EDARADD: variants seen among roughly 807,000 people sequenced by gnomAD.
EDARADD encodes ectodysplasin-A receptor-associated adapter protein.
Under a neutral mutation model 25.6 loss-of-function variants are expected in EDARADD, and 20 were observed. The observed-to-expected ratio is 0.78, with a 90% CI of 0.55 to 1.14. The LOEUF (loss-of-function observed/expected upper bound fraction) is 1.14, where lower values mean the gene tolerates loss of function less well. EDARADD is among the 50% of genes most tolerant of loss of function. EDARADD has a pLI of 0.00. For missense variants in EDARADD, 225 were observed against 270.1 expected (o/e 0.83, Z 1.17); for synonymous variants, 86 against 94.4 (o/e 0.91, Z 0.52).
In EDARADD at chr1:236,403,380, C is replaced by T. The variant is rs866786865; in HGVS notation, c.62-5836C>T. On this transcript the variant is annotated intron_variant, in intron 1 of 5. Coordinates refer to ENST00000334232, the MANE Select transcript of EDARADD (RefSeq NM_145861.4). Reference sequence around the variant, plus strand: ...TCGACTCACTGCAACCTCCGCCTTCCGGGCTCACACCATTCTCCTGCCTCA... The same window carrying T: ...TCGACTCACTGCAACCTCCGCCTTCTGGGCTCACACCATTCTCCTGCCTCA... Among the ~76,000 whole-genome samples the T allele has an allele frequency of 3.9e-5, 6 of 152,138 alleles. No homozygotes were observed. In the East Asian group the frequency reaches 5.8e-4, roughly 15 times the overall value.
intron 3 of EDARADD, among the ~76,000 whole-genome samples, chr1:236,352,499 G>A (rs1461427568): frequency 6.6e-6 from 1 of 152,176 alleles, no homozygotes; most frequent in African/African-American, 2.4e-5. Context: ...GAAGCCAAGA[G>A]TTCAAGATCA....
At chr1:236,442,052 T>A (rs183249780) in intron 4 of EDARADD, among the ~76,000 whole-genome samples, 1 of 152,038 alleles carries the variant, frequency 6.6e-6, no homozygotes, top group African/African-American at 2.4e-5. Flanking sequence ...AAGGTAGCTA[T>A]ACTAAACAAC....
chr1:236,406,062 CCA>C (rs1667734083), intron 1 of EDARADD, among the ~76,000 whole-genome samples: 1 of 151,422 alleles, frequency 6.6e-6, no homozygotes, highest in African/African-American at 2.4e-5. Flanking sequence ...ACCCCTGGCT[CCA>C]CACTCCAAAC....
chr1:236,441,659 G>C (rs1658406903), intron 4 of EDARADD, among the ~76,000 whole-genome samples: 1 of 151,486 alleles, frequency 6.6e-6, no homozygotes, highest in South Asian at 2.1e-4. Flanking sequence ...GAGCAGCTAG[G>C]ATTACAGGCA....
At chr1:236,374,503 G>C (rs73121269) in intron 3 of EDARADD, among the ~76,000 whole-genome samples, 1 of 152,040 alleles carries the variant, frequency 6.6e-6, no homozygotes, top group African/African-American at 2.4e-5. Context: ...TCCTGGGCTC[G>C]AGCTATTTCC....
chr1:236,390,470 G>A (rs1001692690), upstream of EDARADD, among the ~76,000 whole-genome samples: 8 of 152,064 alleles, frequency 5.3e-5, no homozygotes, highest in East Asian at 1.9e-4. Flanking sequence ...GGAGAATGGC[G>A]TGAACCTGGT....
Position 236,351,325 on chromosome 1 carries a change from A to G in EDARADD, c.-6+486A>G, listed in dbSNP as rs184596788. Among the ~76,000 whole-genome samples the G allele has an allele frequency of 2.5e-3, 381 of 152,194 alleles. 2 individuals carry two copies. The highest frequency in any genetic ancestry group is 2.8e-3 in the Non-Finnish European group (189 of 68,006). ...TTAAAGCAGAGGGGGCTTCCTTATC[A>G]TGTTGATACCGGTGGGCCAGAGGAG... On this transcript the variant is annotated intron_variant, in intron 3 of 7. Transcript: ENST00000439430.
chr1:236,403,947 T>C (rs1667661936), intron 1 of EDARADD, among the ~76,000 whole-genome samples: 2 of 152,122 alleles, frequency 1.3e-5, no homozygotes, highest in Admixed American at 1.3e-4. Flanking sequence ...AGTTACCAGC[T>C]AATTTGAGGT....
intron 3 of EDARADD, among the ~76,000 whole-genome samples, chr1:236,376,000 T>C (rs1450748623): frequency 6.7e-6 from 1 of 149,604 alleles, no homozygotes; most frequent in Admixed American, 6.8e-5. Context: ...AATGGTGCGA[T>C]CTTGGCTCAC....
Position 236,450,267 on chromosome 1 carries a change from C to G in EDARADD, c.220-17964C>G, listed in dbSNP as rs187457284. 3.5e-3 allele frequency among the ~76,000 whole-genome samples: 527 copies of G among 151,998 alleles called. 1 individual carries two copies. The highest frequency in any genetic ancestry group is 5.8e-3 in the Non-Finnish European group (392 of 68,004). ...TATAATCGTGCCACCACACTCCCAC[C>G]TGGGCCACAGAGGAAGACTCTGTCT... On this transcript the variant is annotated intron_variant, in intron 4 of 5. Transcript: ENST00000334232.
chr1:236,480,965 C>T (rs1659655120), intron 5 of EDARADD, among the ~76,000 whole-genome samples: 1 of 152,240 alleles, frequency 6.6e-6, no homozygotes, highest in Non-Finnish European at 1.5e-5. Context: ...GCCTCTTTCC[C>T]TCCCACTGCA....
chr1:236,360,059 AAT>A (rs1287130216), intron 3 of EDARADD, among the ~76,000 whole-genome samples: 9 of 152,174 alleles, frequency 5.9e-5, no homozygotes, highest in Admixed American at 5.9e-4. Flanking sequence ...TCACTCCTGT[AAT>A]TCCACCACTT....
intron 1 of EDARADD, among the ~76,000 whole-genome samples, chr1:236,406,188 G>T (rs948659706): frequency 6.6e-6 from 1 of 151,962 alleles, no homozygotes; most frequent in Non-Finnish European, 1.5e-5. Flanking sequence ...AAATATGTGA[G>T]ACTAGGCTGT....
At chr1:236,377,216 C>T (rs1215329598) in intron 3 of EDARADD, among the ~76,000 whole-genome samples, 2 of 151,096 alleles carry the variant, frequency 1.3e-5, no homozygotes, top group African/African-American at 4.9e-5. Flanking sequence ...AGTACAGTGG[C>T]ATGATCTCGG....
chr1:236,448,337 A>C (rs978879072), intron 4 of EDARADD, among the ~76,000 whole-genome samples: 1 of 152,210 alleles, frequency 6.6e-6, no homozygotes, highest in African/African-American at 2.4e-5. Flanking sequence ...TGAACTCTTC[A>C]TGTGGTCTGC....
In EDARADD at chr1:236,416,055, C is replaced by T. The variant is rs577413945; in HGVS notation, c.160+1756C>T. Among the ~76,000 whole-genome samples the T allele has an allele frequency of 7.2e-5, 11 of 152,298 alleles. No homozygotes were observed. In the East Asian group the frequency reaches 1.3e-3, roughly 19 times the overall value. ...TCCTCCTCTTCTCCCCCTACTATTCCAGACCCTTCTCCCTGCTCCCTGAAA... is the reference window on the plus strand; with the variant it reads ...TCCTCCTCTTCTCCCCCTACTATTCTAGACCCTTCTCCCTGCTCCCTGAAA... On this transcript the variant is annotated intron_variant, in intron 3 of 5. Transcript: ENST00000334232.
intron 4 of EDARADD, among the ~76,000 whole-genome samples, chr1:236,448,257 C>T (rs1658618568): frequency 6.6e-6 from 1 of 152,232 alleles, no homozygotes; most frequent in African/African-American, 2.4e-5. Flanking sequence ...TTTCCCAGCA[C>T]AGCCAGAGTG....
intron 4 of EDARADD, among the ~76,000 whole-genome samples, chr1:236,431,092 G>A (rs192939967): frequency 1.3e-5 from 2 of 151,810 alleles, no homozygotes; most frequent in Admixed American, 1.3e-4. Flanking sequence ...TCCAGCCTAG[G>A]TGACAGAGTG....
intron 3 of EDARADD, among the ~76,000 whole-genome samples, chr1:236,361,588 C>A (rs1667049589): frequency 6.8e-6 from 1 of 147,204 alleles, no homozygotes; most frequent in African/African-American, 2.6e-5. Flanking sequence ...CCTCGGCCTC[C>A]CAAAGTGCTA....
Sources: allele counts gnomAD v4.1 joint callset (sites outside exome capture counted in the v4.1 genomes callset), GRCh38; gene constraint gnomAD v4.1.1; transcripts MANE v1.5; gene names NCBI Gene and HGNC (gene_info 2026-07-23, HGNC 2026-07-21).